Variants in SPMIP6 observed in about 807,000 individuals in gnomAD.
SPMIP6 encodes the protein sperm microtubule inner protein 6.
chr9:34,397,657 G>T, the SPMIP6 span: 2 of 1,566,800 alleles, frequency 1.3e-6, no homozygotes, highest in East Asian at 2.3e-5. Flanking sequence ...AGATGCCGTG[G>T]TGGGCTCTAC....
At chr9:34,382,633 T>C in the SPMIP6 span, 1 of 740,246 alleles carries the variant, frequency 1.4e-6, no homozygotes, top group Non-Finnish European at 2.5e-6. Context: ...GGAAGAGCTC[T>C]GGGGCATTTG....
the SPMIP6 span, among the ~76,000 whole-genome samples, chr9:34,389,149 G>A: frequency 2.0e-5 from 3 of 151,772 alleles, no homozygotes; most frequent in African/African-American, 7.3e-5. Context: ...GTTTCCCAGG[G>A]TGGTCTTGAA....
At chr9:34,386,587 CAAA>C in the SPMIP6 span, among the ~76,000 whole-genome samples, 47 of 127,074 alleles carry the variant, frequency 3.7e-4, no homozygotes, top group Non-Finnish European at 3.2e-4. Flanking sequence ...GACTTCGTCT[CAAA>C]AAAAAAAAAA....
At chr9:34,379,713 G>A in the SPMIP6 span, 5 of 1,614,106 alleles carry the variant, frequency 3.1e-6, no homozygotes, top group East Asian at 1.1e-4. This position sits in a 1 kb window ranked among gnomAD's most constrained non-coding sequence, Gnocchi z 4.2. Flanking sequence ...CCGGGCCGGT[G>A]CTCGTAGGGA....
the SPMIP6 span, among the ~76,000 whole-genome samples, chr9:34,396,445 G>T: frequency 2.6e-5 from 4 of 151,820 alleles, no homozygotes; most frequent in Non-Finnish European, 5.9e-5. Context: ...CTCAACCCCA[G>T]CCCCTGCAAT....
the SPMIP6 span, chr9:34,382,878 T>C: frequency 1.6e-5 from 25 of 1,560,754 alleles, no homozygotes; most frequent in Admixed American, 5.0e-5. Flanking sequence ...TGCTGGATAA[T>C]AGGGGTGGAG....
At chr9:34,380,794 C>T in the SPMIP6 span, 13 of 1,528,494 alleles carry the variant, frequency 8.5e-6, no homozygotes, top group Non-Finnish European at 1.1e-5. Flanking sequence ...CTAGAGCAGG[C>T]TGGGGGCCTG....
chr9:34,391,609 T>C, the SPMIP6 span, among the ~76,000 whole-genome samples: 2 of 152,236 alleles, frequency 1.3e-5, no homozygotes, highest in Non-Finnish European at 2.9e-5. Flanking sequence ...TTTGTTTTGA[T>C]TTCTTATTTG....
the SPMIP6 span, chr9:34,380,819 G>C: frequency 6.6e-7 from 1 of 1,522,490 alleles, no homozygotes; most frequent in East Asian, 2.5e-5. Context: ...GAAGCTGGCC[G>C]GGCTGGAAGG....
the SPMIP6 span, among the ~76,000 whole-genome samples, chr9:34,384,147 G>A: frequency 6.6e-6 from 1 of 152,236 alleles, no homozygotes; most frequent in African/African-American, 2.4e-5. Flanking sequence ...GGGGATGGCA[G>A]TTTGCACATA....
the SPMIP6 span, chr9:34,379,867 C>T: frequency 1.1e-5 from 7 of 646,034 alleles, no homozygotes; most frequent in South Asian, 1.1e-4. This position sits in a 1 kb window ranked among gnomAD's most constrained non-coding sequence, Gnocchi z 4.2. Context: ...TTCTTCCTCA[C>T]CCTTCAAAAC....
At chr9:34,397,039 G>A in the SPMIP6 span, among the ~76,000 whole-genome samples, 195 of 152,170 alleles carry the variant, frequency 1.3e-3, no homozygotes, top group African/African-American at 4.3e-3. Flanking sequence ...GACAGTTTCC[G>A]GCCTATTCCA....
the SPMIP6 span, among the ~76,000 whole-genome samples, chr9:34,391,663 A>G: frequency 1.3e-5 from 2 of 152,156 alleles, no homozygotes; most frequent in African/African-American, 2.4e-5. Flanking sequence ...TAAACTCACA[A>G]AGGATTTTGG....
At chr9:34,396,533 C>T in the SPMIP6 span, among the ~76,000 whole-genome samples, 1 of 152,148 alleles carries the variant, frequency 6.6e-6, no homozygotes, top group African/African-American at 2.4e-5. Context: ...AACCTGGAGC[C>T]TTATGTCCAC....
At chr9:34,387,633 AC>A in the SPMIP6 span, among the ~76,000 whole-genome samples, 1 of 152,160 alleles carries the variant, frequency 6.6e-6, no homozygotes, top group Admixed American at 6.5e-5. Context: ...ACACACACAA[AC>A]AAAACAGTCA....
At chr9:34,393,348 G>T in the SPMIP6 span, among the ~76,000 whole-genome samples, 1 of 152,228 alleles carries the variant, frequency 6.6e-6, no homozygotes, top group Non-Finnish European at 1.5e-5. Context: ...TTGCATCTCA[G>T]ACTTTCCTTC....
chr9:34,380,724 T>C, the SPMIP6 span: 51 of 1,548,404 alleles, frequency 3.3e-5, no homozygotes, highest in African/African-American at 6.4e-4. Context: ...CAGTTGTTAG[T>C]TCAGGCCTTG....
At chr9:34,385,714 A>G in the SPMIP6 span, 1 of 1,613,720 alleles carries the variant, frequency 6.2e-7, no homozygotes, top group African/African-American at 1.3e-5. Flanking sequence ...GTAGTCCTGT[A>G]CAGCACATTT....
chr9:34,386,587 CAAAA>C, the SPMIP6 span, among the ~76,000 whole-genome samples: 10 of 127,114 alleles, frequency 7.9e-5, no homozygotes, highest in East Asian at 2.3e-4. Flanking sequence ...GACTTCGTCT[CAAAA>C]AAAAAAAAAA....
Sources: allele counts gnomAD v4.1 joint callset (sites outside exome capture counted in the v4.1 genomes callset), GRCh38; gene constraint gnomAD v4.1.1; non-coding constraint Gnocchi (gnomAD v3.1); transcripts MANE v1.5; gene names NCBI Gene and HGNC (gene_info 2026-07-23, HGNC 2026-07-21).